Variants in GATD1 observed in about 807,000 individuals in gnomAD.
The protein encoded by GATD1 is glutamine amidotransferase class 1 domain containing 1.
GATD1 carries 23 observed loss-of-function variants against 25.9 expected under a neutral mutation model. The observed-to-expected ratio is 0.89, with a 90% CI of 0.64 to 1.26. The LOEUF (loss-of-function observed/expected upper bound fraction) is 1.26. Among genes scored for constraint, GATD1 ranks in the 50% most tolerant of loss-of-function variants. The pLI, the probability that GATD1 is intolerant of heterozygous loss-of-function variation, is 0.00. For missense variants in GATD1, 347 were observed against 312.5 expected (o/e 1.11, Z -0.83); for synonymous variants, 177 against 134.6 (o/e 1.31, Z -2.18).
Position 770,563 on chromosome 11 carries a change from CA to C in GATD1, c.*333del. ...CCCCGAGCCGACTCTGTCTAGTCAACAGTGACCACACGTGACAACCAGTCCT... is the reference window on the plus strand; with the variant it reads ...CCCCGAGCCGACTCTGTCTAGTCAACGTGACCACACGTGACAACCAGTCCT... On this transcript the variant is annotated 3_prime_UTR_variant, in exon 8 of 8. Coordinates refer to ENST00000319863, the MANE Select transcript of GATD1 (RefSeq NM_182612.4). 2 of 1,416,572 alleles carry C rather than the reference CA, an allele frequency of 1.4e-6. No homozygotes were observed. The highest frequency in any genetic ancestry group is 3.2e-5 in the South Asian group (2 of 62,810). 87.8% of individuals were successfully genotyped at this position (1,416,572 alleles called of 1,614,324 possible). A position where few individuals can be genotyped will look rare whatever the true frequency, so the allele number is the denominator to read the frequency against.
chr11:767,750 C>T lies in GATD1; in HGVS notation c.*3147G>A, dbSNP rs11606152. On this transcript the variant is annotated 3_prime_UTR_variant, in exon 8 of 8. Coordinates refer to ENST00000319863, the MANE Select transcript of GATD1 (RefSeq NM_182612.4). Reference sequence around the variant, plus strand: ...AGCCTCATCATGGGACCATCACCCTCACAAAAGAGGTTGCATCTACTGGTG... The same window carrying T: ...AGCCTCATCATGGGACCATCACCCTTACAAAAGAGGTTGCATCTACTGGTG... 310,590 of 425,044 alleles carry T rather than the reference C, an allele frequency of 0.73. 115,676 individuals are homozygous for T. The highest frequency in any genetic ancestry group is 0.88 in the African/African-American group (41,896 of 47,530). 26.3% of individuals were successfully genotyped at this position (425,044 alleles called of 1,614,324 possible).
At chr11:777,278 C>T (rs1055309885) in intron 1 of GATD1, 121 bp downstream of exon 1, 7 of 734,886 alleles carry the variant, frequency 9.5e-6, no homozygotes, top group East Asian at 4.6e-5. Context: ...CTGCCCGGCG[C>T]CCCCAGCGGC....
rs540062920 is a variant in GATD1 at position 769,945 on chromosome 11, C to A, written c.*952G>T. 2 of 1,003,880 alleles carry A rather than the reference C, an allele frequency of 2.0e-6. No individual in the cohort carries two copies. Among genetic ancestry groups the A allele is most frequent in the Non-Finnish European group, 2.4e-6 (2 of 842,454 alleles). 62.2% of individuals were successfully genotyped at this position (1,003,880 alleles called of 1,614,324 possible). A position where few individuals can be genotyped will look rare whatever the true frequency, so the allele number is the denominator to read the frequency against. On this transcript the variant is annotated 3_prime_UTR_variant, in exon 8 of 8. Coordinates refer to ENST00000319863, the MANE Select transcript of GATD1 (RefSeq NM_182612.4). ...TGAACGGTTTTATAATCACAAGGGG[C>A]CTCCTGGCAGGTCACTGGCACCAGG... is the stretch of plus-strand genomic sequence containing the variant.
rs7940065 is a variant in GATD1 at position 770,007 on chromosome 11, C to T, written c.*890G>A. 508,437 of 1,058,212 alleles carry T rather than the reference C, an allele frequency of 0.48. 123,454 individuals are homozygous for T. Among genetic ancestry groups the T allele is most frequent in the East Asian group, 0.58 (8,976 of 15,468 alleles). 65.6% of individuals were successfully genotyped at this position (1,058,212 alleles called of 1,614,324 possible). On this transcript the variant is annotated 3_prime_UTR_variant, in exon 8 of 8. Coordinates refer to ENST00000319863, the MANE Select transcript of GATD1 (RefSeq NM_182612.4). ...TGCTTGGGAACGGCTGTGGCTGAGA[C>T]GGGGAGGTGGGCAGGAAGAAGGCCT...
At chr11:775,736 C>T (rs1209183333) in intron 1 of GATD1, among the ~76,000 whole-genome samples, 2 of 152,100 alleles carry the variant, frequency 1.3e-5, no homozygotes, top group East Asian at 1.9e-4. Context: ...ACCCCTCCCC[C>T]GCCAGCTCTT....
rs1281955266 is a variant in GATD1 at position 772,445 on chromosome 11, G to T, written c.432C>A (p.Asp144Glu). 6.2e-7 allele frequency: 1 copy of T among 1,613,410 alleles called. No individual in the cohort carries two copies. The highest frequency in any genetic ancestry group is 2.2e-5 in the East Asian group (1 of 44,870). Residue 144 changes from aspartate (D) to glutamate (E), a missense_variant, in exon 5 of 8, where the codon GAC becomes GAA. Asp to Glu is a conservative substitution (Grantham distance 45). Transcript: ENST00000319863. ...CACTCACCCCTGTCAGGCTGTAGCT[G>T]TCGAACACCCAGGATCTGTCCTCGT... ...ATNEDRSWVF[D>E]SYSLTGPSVC...
chr11:772,475 G>C lies in GATD1; in HGVS notation c.402C>G (p.Ala134=). The change falls in exon 5 of 8, where the codon GCC becomes GCG. Residue 134 remains alanine (A), a synonymous_variant. Coordinates refer to ENST00000319863, the MANE Select transcript of GATD1 (RefSeq NM_182612.4). ...VGHGVAALCC[A]TNEDRSWVFD... is the part of the protein sequence containing the mutation. ...ACACCCAGGATCTGTCCTCGTTGGT[G>C]GCACAGCACAGGGCGGCGACACCGT... 6.2e-7 allele frequency: 1 copy of C among 1,613,288 alleles called. No homozygotes were observed. Among genetic ancestry groups the C allele is most frequent in the Non-Finnish European group, 8.5e-7 (1 of 1,179,982 alleles).
At chr11:776,827 G>C (rs910533446) in intron 1 of GATD1, 1 of 152,336 alleles carries the variant, frequency 6.6e-6, no homozygotes, top group East Asian at 1.9e-4. Context: ...ACCCCGCTGC[G>C]CTCCGACCCG....
At position 771,317 on chromosome 11, in the gene GATD1, C is replaced by A; in HGVS notation, c.544+16G>T. 1 of 1,604,364 alleles carries A rather than the reference C, an allele frequency of 6.2e-7. No individual in the cohort carries two copies. The highest frequency in any genetic ancestry group is 8.5e-7 in the Non-Finnish European group (1 of 1,175,934). On this transcript the variant is annotated intron_variant, in intron 6 of 7. Coordinates refer to ENST00000319863, the MANE Select transcript of GATD1 (RefSeq NM_182612.4). ...CCCCATCTTCTGTAAGTGCAGGGGG[C>A]ACCCTCGAGGCTCACCACTGAAGCA...
Position 767,853 on chromosome 11 carries a change from C to CTT in GATD1, c.*3042_*3043dup, listed in dbSNP as rs534703953. The stretch of plus-strand genomic sequence containing the variant: ...TAAGCCACTAGGTTTACAATATTTT[C>CTT]TTTTTTTTTTTTTTTGAGATGGAGT... On this transcript the variant is annotated 3_prime_UTR_variant, in exon 8 of 8. Coordinates refer to ENST00000319863, the MANE Select transcript of GATD1 (RefSeq NM_182612.4). 41 of 144,470 alleles carry CTT rather than the reference C, an allele frequency of 2.8e-4. No individual in the cohort carries two copies. Among genetic ancestry groups the CTT allele is most frequent in the South Asian group, 1.3e-3 (6 of 4,578 alleles). The allele number at this position is 144,470 out of a possible 1,614,324, so 8.9% of individuals were successfully genotyped here. A position where few individuals can be genotyped will look rare whatever the true frequency, so the allele number is the denominator to read the frequency against.
chr11:769,318 T>A lies in GATD1; in HGVS notation c.*1579A>T, dbSNP rs370065515. 6 of 970,788 alleles carry A rather than the reference T, an allele frequency of 6.2e-6. No homozygotes were observed. 60.1% of individuals were successfully genotyped at this position (970,788 alleles called of 1,614,324 possible). A position where few individuals can be genotyped will look rare whatever the true frequency, so the allele number is the denominator to read the frequency against. ...CCAAATTCTCCTTATTGAACGGCTT[T>A]ATTTTATTATTTTTTATTTTTGAGA... On this transcript the variant is annotated 3_prime_UTR_variant, in exon 8 of 8. Coordinates refer to ENST00000319863, the MANE Select transcript of GATD1 (RefSeq NM_182612.4).
At position 768,704 on chromosome 11, in the gene GATD1, C is replaced by A. The variant is rs544656082; in HGVS notation, c.*2193G>T. ...CTTGTTAGCCGGACGTGGCGGCTCA[C>A]GCCTGTAATCCCAGCACTTTGGGAG... On this transcript the variant is annotated 3_prime_UTR_variant, in exon 8 of 8. Coordinates refer to ENST00000319863, the MANE Select transcript of GATD1 (RefSeq NM_182612.4). 1.3e-5 allele frequency: 2 copies of A among 152,102 alleles called. No homozygotes were observed. The highest frequency in any genetic ancestry group is 4.8e-5 in the African/African-American group (2 of 41,412). The allele number at this position is 152,102 out of a possible 1,614,324, so 9.4% of individuals were successfully genotyped here. A position where few individuals can be genotyped will look rare whatever the true frequency, so the allele number is the denominator to read the frequency against.
chr11:775,231 AC>A, intron 1 of GATD1, 89 bp from the exon 2 acceptor site: 1 of 1,050,522 alleles, frequency 9.5e-7, no homozygotes, highest in Non-Finnish European at 1.4e-6. Context: ...GCCTCGACTG[AC>A]CCCAGAACAC....
Position 770,632 on chromosome 11 carries a change from G to A in GATD1, c.*265C>T, listed in dbSNP as rs777639577. ...TGGAATTCCCGAGGACCACCTAGCA[G>A]CTAGCACAGCTCTCCAGGCACGTGG... is the stretch of plus-strand genomic sequence containing the variant. On this transcript the variant is annotated 3_prime_UTR_variant, in exon 8 of 8. Coordinates refer to ENST00000319863, the MANE Select transcript of GATD1 (RefSeq NM_182612.4). 8.8e-5 allele frequency: 125 copies of A among 1,418,918 alleles called. No individual in the cohort carries two copies. Among genetic ancestry groups the A allele is most frequent in the Non-Finnish European group, 1.1e-4 (122 of 1,090,476 alleles). 87.9% of individuals were successfully genotyped at this position (1,418,918 alleles called of 1,614,324 possible). A position where few individuals can be genotyped will look rare whatever the true frequency, so the allele number is the denominator to read the frequency against.
At position 773,513 on chromosome 11, in the gene GATD1, G is replaced by A. The variant is rs369233691; in HGVS notation, c.355+9C>T. On this transcript the variant is annotated intron_variant, in intron 4 of 7. Transcript: ENST00000319863. ...CCAACCCCTCCCCTGGGTCCCAGGG[G>A]TCACCTACTGCTCTCAGAGTGGAAG... The A allele has an allele frequency of 1.9e-6, 3 of 1,606,948 alleles. No homozygotes were observed. The highest frequency in any genetic ancestry group is 2.6e-6 in the Non-Finnish European group (3 of 1,176,312).
chr11:773,053 G>A (rs949450736), intron 4 of GATD1, among the ~76,000 whole-genome samples: 4 of 152,178 alleles, frequency 2.6e-5, no homozygotes, highest in South Asian at 2.1e-4. Context: ...TGGGGACGGC[G>A]GCCCCACTCC....
In GATD1 at chr11:769,065, C is replaced by T. The variant is rs538666085; in HGVS notation, c.*1832G>A. Reference sequence around the variant, plus strand: ...GCAGTGAGCCAAGATTGTGCCACTGCACTCCAGCCTGGGTGACGAGAGACA... The same window carrying T: ...GCAGTGAGCCAAGATTGTGCCACTGTACTCCAGCCTGGGTGACGAGAGACA... On this transcript the variant is annotated 3_prime_UTR_variant, in exon 8 of 8. Transcript: ENST00000319863. 27 of 900,238 alleles carry T rather than the reference C, an allele frequency of 3.0e-5. No homozygotes were observed. In the African/African-American group the frequency reaches 4.5e-4, roughly 15 times the overall value. 55.8% of individuals were successfully genotyped at this position (900,238 alleles called of 1,614,324 possible).
intron 2 of GATD1, 68 bp from the exon 3 acceptor site, chr11:774,181 TG>T: frequency 7.2e-7 from 1 of 1,388,546 alleles, no homozygotes; most frequent in African/African-American, 1.4e-5. Context: ...AGAGGGAGCC[TG>T]AAAAAGCTGA....
At chr11:775,848 A>G (rs2133650027) in intron 1 of GATD1, among the ~76,000 whole-genome samples, 1 of 152,268 alleles carries the variant, frequency 6.6e-6, no homozygotes, top group South Asian at 2.1e-4. Context: ...CAGGGGAAGG[A>G]CACAGCCCCG....
Sources: gnomAD v4.1 joint callset for allele counts (sites outside exome capture counted in the v4.1 genomes callset) on GRCh38, gnomAD v4.1.1 for gene constraint, MANE v1.5 for transcripts, NCBI Gene and HGNC (gene_info 2026-07-23, HGNC 2026-07-21) for gene names.